Variants in CDC42BPA observed in about 807,000 individuals in gnomAD.
The protein encoded by CDC42BPA is CDC42 binding protein kinase alpha, also known as serine/threonine-protein kinase MRCK alpha.
A neutral mutation model predicts 223.5 loss-of-function variants in CDC42BPA; 80 were observed. The observed-to-expected ratio is 0.36, with a 90% CI of 0.30 to 0.43. The LOEUF (loss-of-function observed/expected upper bound fraction) is 0.43. CDC42BPA is among the 20% of genes least tolerant of loss of function. CDC42BPA has a pLI of 1.00. For missense variants in CDC42BPA, 1,743 were observed against 2,099.9 expected, an observed-to-expected ratio of 0.83 and a Z score of 3.32; for synonymous variants, 694 against 718.6, an observed-to-expected ratio of 0.97 and a Z score of 0.55.
At chr1:227,140,765 A>G (rs1219394234) in intron 9 of CDC42BPA, among the ~76,000 whole-genome samples, 1 of 152,186 alleles carries the variant, frequency 6.6e-6, no homozygotes, top group Admixed American at 6.5e-5. Context: ...CAGAGAACTA[A>G]AAGAAAGTTA....
At chr1:227,148,376 T>C (rs374783283) in intron 6 of CDC42BPA, among the ~76,000 whole-genome samples, 3 of 152,142 alleles carry the variant, frequency 2.0e-5, no homozygotes, top group Admixed American at 1.3e-4. Context: ...AAAAGAATAT[T>C]AGCCCTTTAC....
chr1:227,072,353 G>T, intron 19 of CDC42BPA, 54 bp from the exon 20 acceptor site: 1 of 1,054,608 alleles, frequency 9.5e-7, no homozygotes, highest in Non-Finnish European at 1.5e-6. Flanking sequence ...GCTGGTTAGT[G>T]AGCCATCTTG....
intron 34 of CDC42BPA, among the ~76,000 whole-genome samples, chr1:227,014,679 GGTTA>G (rs1665867344): frequency 1.3e-5 from 2 of 152,010 alleles, no homozygotes. Flanking sequence ...TTGATAATGT[GGTTA>G]ATTAAGACAG....
intron 27 of CDC42BPA, among the ~76,000 whole-genome samples, chr1:227,032,547 C>T (rs1304723944): frequency 6.6e-6 from 1 of 152,114 alleles, no homozygotes; most frequent in African/African-American, 2.4e-5. Context: ...TTCCATTCTT[C>T]TCATCAAGAG....
At chr1:227,019,585 C>T (rs187253538) in intron 32 of CDC42BPA, among the ~76,000 whole-genome samples, 1 of 152,268 alleles carries the variant, frequency 6.6e-6, no homozygotes, top group Admixed American at 6.5e-5. Context: ...GCAGCTATGG[C>T]CTTATGAAAT....
chr1:226,994,302 A>T lies in CDC42BPA; in HGVS notation c.5231T>A (p.Leu1744Gln), dbSNP rs764383159. The T allele has an allele frequency of 6.3e-7, 1 of 1,595,336 alleles. No individual in the cohort carries two copies. Among genetic ancestry groups the T allele is most frequent in the Non-Finnish European group, 8.6e-7 (1 of 1,169,286 alleles). Residue 1744 changes from leucine to glutamine, a missense_variant, in exon 37 of 37, where the codon CTG becomes CAG. Leu to Gln is a moderately radical substitution (Grantham distance 113). Around this residue, in one of 6 missense-constraint regions of CDC42BPA, gnomAD observed 200 missense variants for 192.8 expected, o/e 1.04. Transcript: ENST00000366766. The surrounding 1 kb of genome is among the most constrained non-coding windows in gnomAD (Gnocchi z 4.0). Reference protein sequence around the residue: ...ASPRKTKSLSLESTDRGSWDP With the variant: ...ASPRKTKSLSQESTDRGSWDP ...CCAGCTCCCGCGGTCAGTGCTCTCC[A>T]GGGAGAGGCTCTTGGTTTTTCGGGG...
intron 6 of CDC42BPA, among the ~76,000 whole-genome samples, chr1:227,153,062 C>G (rs1662085156): frequency 6.6e-6 from 1 of 151,726 alleles, no homozygotes. Context: ...TACAAAAGAG[C>G]TGTGCAAAAC....
At chr1:227,095,698 T>G (rs1309424457) in intron 15 of CDC42BPA, among the ~76,000 whole-genome samples, 2 of 151,676 alleles carry the variant, frequency 1.3e-5, no homozygotes, top group Non-Finnish European at 2.9e-5. Flanking sequence ...TTCAAGCAAT[T>G]CTCTAGCCTC....
intron 5 of CDC42BPA, among the ~76,000 whole-genome samples, chr1:227,189,237 A>G (rs2150114306): frequency 6.6e-6 from 1 of 152,286 alleles, no homozygotes; most frequent in South Asian, 2.1e-4. Context: ...CATTTCTTAA[A>G]TAAAATTTAG....
chr1:227,017,291 T>C (rs1008928552), intron 32 of CDC42BPA, among the ~76,000 whole-genome samples: 2 of 152,162 alleles, frequency 1.3e-5, no homozygotes, highest in South Asian at 2.1e-4. Context: ...ATAAACACAG[T>C]AGGACATAAT....
chr1:227,156,221 G>A (rs1046112313), intron 6 of CDC42BPA, among the ~76,000 whole-genome samples: 9 of 151,660 alleles, frequency 5.9e-5, no homozygotes, highest in Middle Eastern at 3.2e-3. Flanking sequence ...CACCATCACG[G>A]TCACTGCAGC....
At chr1:227,235,636 T>A (rs1005251552) in intron 2 of CDC42BPA, among the ~76,000 whole-genome samples, 1 of 152,168 alleles carries the variant, frequency 6.6e-6, no homozygotes, top group Admixed American at 6.5e-5. Context: ...CAAACCTGGC[T>A]ACCTCTCAGC....
chr1:227,249,092 A>C (rs1681509602), intron 2 of CDC42BPA, among the ~76,000 whole-genome samples: 1 of 152,224 alleles, frequency 6.6e-6, no homozygotes, highest in Non-Finnish European at 1.5e-5. Context: ...ACAGACACAT[A>C]GATTAATGAA....
chr1:227,004,984 C>T lies in CDC42BPA; in HGVS notation c.4975+10G>A, dbSNP rs372929171. On this transcript the variant is annotated intron_variant, in intron 35 of 36. Transcript: ENST00000366766. ...TCTCAGAGGCACCTTCCTGTAGCCC[C>T]GGCACTTACTTGCTGACAAGCCACT... 6.3e-6 allele frequency: 10 copies of T among 1,594,426 alleles called. No homozygotes were observed. Among genetic ancestry groups the T allele is most frequent in the African/African-American group, 2.7e-5 (2 of 74,624 alleles).
chr1:227,133,377 C>A (rs542824367), intron 10 of CDC42BPA, among the ~76,000 whole-genome samples: 4 of 147,544 alleles, frequency 2.7e-5, no homozygotes, highest in African/African-American at 1.0e-4. Context: ...CTGCCCCATC[C>A]GGGAGGTGAG....
At chr1:227,013,199 A>C (rs970552534) in intron 34 of CDC42BPA, among the ~76,000 whole-genome samples, 3 of 152,116 alleles carry the variant, frequency 2.0e-5, no homozygotes, top group African/African-American at 7.2e-5. Context: ...ACTGAAATGC[A>C]ATGAGAGGGC....
chr1:227,066,647 A>T (rs980949761), intron 21 of CDC42BPA, among the ~76,000 whole-genome samples: 1 of 152,160 alleles, frequency 6.6e-6, no homozygotes, highest in Non-Finnish European at 1.5e-5. Context: ...TTGGTGGTGG[A>T]TAGATGACTG....
intron 21 of CDC42BPA, among the ~76,000 whole-genome samples, chr1:227,055,897 A>C (rs77391433): frequency 0.098 from 14,634 of 148,592 alleles, 869 homozygotes; most frequent in Middle Eastern, 0.16. Context: ...TGCTCTGTTA[A>C]AAAAAAAAAG....
chr1:227,174,576 T>C (rs1446782293), intron 5 of CDC42BPA, among the ~76,000 whole-genome samples: 1 of 152,168 alleles, frequency 6.6e-6, no homozygotes, highest in Non-Finnish European at 1.5e-5. Context: ...CTCTATTTCC[T>C]ATATCGGTAC....
Sources: allele counts gnomAD v4.1 joint callset (sites outside exome capture counted in the v4.1 genomes callset), GRCh38; gene constraint gnomAD v4.1.1; regional missense constraint gnomAD v4.1.1; non-coding constraint Gnocchi (gnomAD v3.1); transcripts MANE v1.5; gene names NCBI Gene and HGNC (gene_info 2026-07-23, HGNC 2026-07-21).